PLEKHH2: variants seen among roughly 807,000 people sequenced by gnomAD.
PLEKHH2 encodes pleckstrin homology, MyTH4 and FERM domain containing H2.
A neutral mutation model predicts 187.9 loss-of-function variants in PLEKHH2; 129 were observed. That is an observed-to-expected ratio of 0.69 (90% CI 0.59 to 0.79). PLEKHH2 has a LOEUF of 0.79. Among genes scored for constraint, PLEKHH2 ranks in the 30% least tolerant of loss-of-function variants. PLEKHH2 has a pLI of 0.00. For synonymous variants in PLEKHH2, 686 were observed against 605.6 expected (o/e 1.13, Z -1.95); for missense variants, 2,076 against 1,751.2 (o/e 1.19, Z -3.31).
chr2:43,748,250 C>T (rs1671858367), intron 24 of PLEKHH2, among the ~76,000 whole-genome samples: 1 of 152,174 alleles, frequency 6.6e-6, no homozygotes, highest in African/African-American at 2.4e-5. Context: ...GACTATTAAT[C>T]TTTGGTGTCT....
chr2:43,668,544 A>G (rs1439736926), intron 2 of PLEKHH2, among the ~76,000 whole-genome samples: 1 of 152,198 alleles, frequency 6.6e-6, no homozygotes, highest in East Asian at 1.9e-4. Flanking sequence ...GGCTACTTAT[A>G]GTTTTCCATT....
intron 24 of PLEKHH2, among the ~76,000 whole-genome samples, chr2:43,751,633 C>A (rs971476012): frequency 6.6e-6 from 1 of 152,148 alleles, no homozygotes. Context: ...TTGGGAATAC[C>A]CCCGCGAGCT....
chr2:43,737,557 G>T (rs926369735), intron 19 of PLEKHH2, among the ~76,000 whole-genome samples: 14 of 152,278 alleles, frequency 9.2e-5, no homozygotes, highest in African/African-American at 3.1e-4. Context: ...GCTGTCAGCG[G>T]GGGTAGCAGG....
rs962253756 is a variant in PLEKHH2, at chr2:43,704,535, C to A, written c.1726+479C>A. On this transcript the variant is annotated intron_variant, in intron 9 of 29. Coordinates refer to ENST00000282406, the MANE Select transcript of PLEKHH2 (RefSeq NM_172069.4). Reference sequence around the variant, plus strand: ...AAAATTAGCCGGGCGTGGTGGCGGGCGCCCATAGCCCCAGCTACTCGGGAG... The same window carrying A: ...AAAATTAGCCGGGCGTGGTGGCGGGAGCCCATAGCCCCAGCTACTCGGGAG... 2.6e-5 allele frequency among the ~76,000 whole-genome samples: 4 copies of A among 151,668 alleles called. No individual in the cohort carries two copies. The South Asian group carries it at 8.3e-4, about 32-fold the overall frequency.
At chr2:43,713,318 C>G (rs544653907) in intron 15 of PLEKHH2, among the ~76,000 whole-genome samples, 77 of 152,196 alleles carry the variant, frequency 5.1e-4, no homozygotes, top group African/African-American at 1.8e-3. Context: ...AAGCTATTTA[C>G]TTTTGACTCT....
Position 43,676,074 on chromosome 2 carries a change from G to A in PLEKHH2, c.124-2789G>A, listed in dbSNP as rs779030253. 26 of 1,613,762 alleles carry A rather than the reference G, an allele frequency of 1.6e-5. 2 individuals are homozygous for A. The East Asian group carries it at 3.3e-4, about 21-fold the overall frequency. On this transcript the variant is annotated intron_variant, in intron 2 of 29. Transcript: ENST00000282406. Reference sequence around the variant, plus strand: ...TCCAGGTCTCTTTCAGTACAGCCCAGTAACTCTCATCTTCGGATTCTCCAA... The same window carrying A: ...TCCAGGTCTCTTTCAGTACAGCCCAATAACTCTCATCTTCGGATTCTCCAA...
Position 43,742,846 on chromosome 2 carries a change from T to G in PLEKHH2, c.3327T>G (p.Thr1109=). 1 of 1,610,104 alleles carries G rather than the reference T, an allele frequency of 6.2e-7. No homozygotes were observed. Among genetic ancestry groups the G allele is most frequent in the Non-Finnish European group, 8.5e-7 (1 of 1,178,492 alleles). The change falls in exon 22 of 30, where the codon ACT becomes ACG. Residue 1109 remains threonine (T), a synonymous_variant. Coordinates refer to ENST00000282406, the MANE Select transcript of PLEKHH2 (RefSeq NM_172069.4). ...CCTCAAGGATGGAAATTCTTTCAAC[T>G]CTTCTCCGAAACCCTTATCACCATT... ...ARPSRMEILS[T]LLRNPYHHSL...
chr2:43,719,035 G>A (rs1196187378), intron 15 of PLEKHH2, among the ~76,000 whole-genome samples: 1 of 152,158 alleles, frequency 6.6e-6, no homozygotes, highest in South Asian at 2.1e-4. Context: ...CATTTATTGA[G>A]TAACTACTGT....
chr2:43,762,869 A>G (rs1389248052), intron 28 of PLEKHH2, among the ~76,000 whole-genome samples: 2 of 152,108 alleles, frequency 1.3e-5, no homozygotes, highest in African/African-American at 4.8e-5. Flanking sequence ...ATATGTGTTC[A>G]TTTATTTACC....
intron 24 of PLEKHH2, among the ~76,000 whole-genome samples, chr2:43,749,250 CAGTT>C (rs770766526): frequency 3.9e-4 from 59 of 152,218 alleles, no homozygotes; most frequent in Admixed American, 1.4e-3. Context: ...TTTTGGTTGA[CAGTT>C]GGTTGAGTTT....
At chr2:43,748,847 C>T (rs1671887764) in intron 24 of PLEKHH2, among the ~76,000 whole-genome samples, 1 of 152,052 alleles carries the variant, frequency 6.6e-6, no homozygotes, top group South Asian at 2.1e-4. Flanking sequence ...ACCTTTGCCT[C>T]CCAGGTTCAA....
Position 43,757,174 on chromosome 2 carries a change from A to G in PLEKHH2, c.3851A>G (p.Asn1284Ser), listed in dbSNP as rs764461151. Residue 1284 changes from asparagine to serine, a missense_variant, in exon 26 of 30, where the codon AAT becomes AGT. Transcript: ENST00000282406. Reference sequence around the variant, plus strand: ...TCAACTCCAGCAGGGCATGTTACCAATCAGTGCAAAGTGAATCAAACTCTA... The same window carrying G: ...TCAACTCCAGCAGGGCATGTTACCAGTCAGTGCAAAGTGAATCAAACTCTA... ...PFSTPAGHVT[N>S]QCKVNQTLKQ... The G allele has an allele frequency of 1.9e-6, 3 of 1,603,562 alleles. No homozygotes were observed. The highest frequency in any genetic ancestry group is 1.3e-5 in the African/African-American group (1 of 74,434).
intron 20 of PLEKHH2, among the ~76,000 whole-genome samples, chr2:43,738,987 G>C (rs940503309): frequency 2.0e-5 from 3 of 152,144 alleles, no homozygotes; most frequent in African/African-American, 7.2e-5. Flanking sequence ...CGCCTCCCGG[G>C]TTCAAGCAAT....
intron 2 of PLEKHH2, among the ~76,000 whole-genome samples, chr2:43,649,423 AC>A (rs1422066134): frequency 6.6e-6 from 1 of 152,220 alleles, no homozygotes. Context: ...ACCTCATGCT[AC>A]CTCTACCTGA....
rs941590341 is a variant in PLEKHH2, at chr2:43,681,426, A to G, written c.186+2501A>G. On this transcript the variant is annotated intron_variant, in intron 3 of 29. Transcript: ENST00000282406. ...TTCTTTCCTTTGTTTTATTAATTGAATGAGTTCCTTGTCAAAATAATCTTC... is the reference window on the plus strand; with the variant it reads ...TTCTTTCCTTTGTTTTATTAATTGAGTGAGTTCCTTGTCAAAATAATCTTC... The G allele has an allele frequency of 1.6e-5, 25 of 1,548,760 alleles. No individual in the cohort carries two copies. The African/African-American group carries it at 2.3e-4, about 14-fold the overall frequency.
chr2:43,720,717 A>G lies in PLEKHH2; in HGVS notation c.2509A>G (p.Thr837Ala). Residue 837 changes from threonine to alanine, a missense_variant, in exon 16 of 30, where the codon ACA becomes GCA. Coordinates refer to ENST00000282406, the MANE Select transcript of PLEKHH2 (RefSeq NM_172069.4). Reference sequence around the variant, plus strand: ...AGTCTGGTGTACACTAATAGGAAAGACATTATATTATTTTCGGAGTCAAGA... The same window carrying G: ...AGTCTGGTGTACACTAATAGGAAAGGCATTATATTATTTTCGGAGTCAAGA... The part of the protein sequence containing the change: ...KRVWCTLIGK[T>A]LYYFRSQEDK... The G allele has an allele frequency of 6.2e-7, 1 of 1,608,712 alleles. No individual in the cohort carries two copies. Among genetic ancestry groups the G allele is most frequent in the Admixed American group, 1.7e-5 (1 of 58,574 alleles).
chr2:43,699,411 C>G (rs888665008), intron 7 of PLEKHH2, among the ~76,000 whole-genome samples: 11 of 152,096 alleles, frequency 7.2e-5, no homozygotes, highest in African/African-American at 1.9e-4. Flanking sequence ...CAGGGTCTTG[C>G]TCTGTCACCC....
intron 21 of PLEKHH2, 147 bp downstream of exon 21, chr2:43,741,190 G>C (rs1164658780): frequency 1.2e-5 from 7 of 593,218 alleles, no homozygotes; most frequent in Non-Finnish European, 1.9e-5. Flanking sequence ...TATCATTGAT[G>C]TGGAGCTAGG....
intron 24 of PLEKHH2, among the ~76,000 whole-genome samples, chr2:43,752,969 T>C (rs1231039662): frequency 6.6e-6 from 1 of 152,248 alleles, no homozygotes; most frequent in African/African-American, 2.4e-5. Context: ...TCTTTCAGAT[T>C]CCCAGAGAAA....
Sources: gnomAD v4.1 joint callset for allele counts (sites outside exome capture counted in the v4.1 genomes callset) on GRCh38, gnomAD v4.1.1 for gene constraint, MANE v1.5 for transcripts, NCBI Gene and HGNC (gene_info 2026-07-23, HGNC 2026-07-21) for gene names.